CADM2: variants seen among roughly 807,000 people sequenced by gnomAD.
CADM2 encodes immunoglobulin superfamily member 4D.
A neutral mutation model predicts 49.8 loss-of-function variants in CADM2; 12 were observed. The ratio of observed to expected loss-of-function variants is 0.24; its 90% CI spans 0.15 to 0.39. CADM2 has a LOEUF of 0.39. Among genes scored for constraint, CADM2 ranks in the 10% least tolerant of loss-of-function variants. The pLI is 1.00. For synonymous variants in CADM2, 214 were observed against 175.4 expected (o/e 1.22, Z -1.74); for missense variants, 378 against 492.3 (o/e 0.77, Z 2.20).
intron 1 of CADM2, among the ~76,000 whole-genome samples, chr3:85,188,444 C>T (rs955829591): frequency 6.6e-5 from 10 of 152,040 alleles, no homozygotes; most frequent in African/African-American, 2.2e-4. Flanking sequence ...ATTACAATGT[C>T]TATAATTATT....
At position 85,246,575 on chromosome 3, in the gene CADM2, A is replaced by G. The variant is rs114177742; in HGVS notation, c.61+286907A>G. 1.8e-3 allele frequency among the ~76,000 whole-genome samples: 274 copies of G among 152,316 alleles called. 1 individual carries two copies. Among genetic ancestry groups the G allele is most frequent in the African/African-American group, 6.3e-3 (263 of 41,566 alleles). ...TTTAGCATTTCTTATTTGATATGAA[A>G]AAAGATTCCAGGATAATTGTAAAAT... On this transcript the variant is annotated intron_variant, in intron 1 of 9. Transcript: ENST00000383699.
chr3:85,864,201 A>G (rs1231838797), intron 3 of CADM2, among the ~76,000 whole-genome samples: 1 of 152,200 alleles, frequency 6.6e-6, no homozygotes, highest in East Asian at 1.9e-4. Context: ...TCTTTAAGAT[A>G]GTTATAAGCT....
At chr3:84,986,803 T>G (rs1231249195) in intron 1 of CADM2, among the ~76,000 whole-genome samples, 1 of 151,532 alleles carries the variant, frequency 6.6e-6, no homozygotes, top group East Asian at 2.0e-4. Flanking sequence ...GAAGTTAGTT[T>G]GACTTTGGGA....
chr3:86,039,330 C>T (rs1735553758), intron 8 of CADM2, among the ~76,000 whole-genome samples: 1 of 147,368 alleles, frequency 6.8e-6, no homozygotes, highest in African/African-American at 2.4e-5. Flanking sequence ...ATTCCCTTTC[C>T]TAGTCAAAGA....
At chr3:85,884,770 G>A (rs1316249734) in intron 4 of CADM2, among the ~76,000 whole-genome samples, 2 of 148,932 alleles carry the variant, frequency 1.3e-5, no homozygotes, top group African/African-American at 5.0e-5. Flanking sequence ...CTGTAGCCTG[G>A]CTGGAGTGCA....
At chr3:85,996,830 A>G (rs911563562) in intron 8 of CADM2, among the ~76,000 whole-genome samples, 1 of 152,166 alleles carries the variant, frequency 6.6e-6, no homozygotes, top group Non-Finnish European at 1.5e-5. Flanking sequence ...GCTTTTCCTA[A>G]ACATCTAGTT....
chr3:85,594,977 C>T (rs1006480884), intron 1 of CADM2, among the ~76,000 whole-genome samples: 1 of 151,988 alleles, frequency 6.6e-6, no homozygotes, highest in African/African-American at 2.4e-5. Flanking sequence ...GACAGCAGCC[C>T]AGCTTTCATT....
At chr3:85,954,543 A>C (rs1723811329) in intron 7 of CADM2, among the ~76,000 whole-genome samples, 1 of 151,148 alleles carries the variant, frequency 6.6e-6, no homozygotes, top group Non-Finnish European at 1.5e-5. Flanking sequence ...GCTACCAAGC[A>C]ACCCCAGCTT....
Position 85,508,782 on chromosome 3 carries a change from A to G in CADM2, c.62-217740A>G, listed in dbSNP as rs138617530. 3.6e-3 allele frequency among the ~76,000 whole-genome samples: 544 copies of G among 152,110 alleles called. 3 individuals carry two copies. The highest frequency in any genetic ancestry group is 0.011 in the African/African-American group (454 of 41,500). On this transcript the variant is annotated intron_variant, in intron 1 of 9. Coordinates refer to ENST00000383699, the MANE Select transcript of CADM2 (RefSeq NM_001167675.2). Reference sequence around the variant, plus strand: ...TGCAAAGTGGGAAAAGAACAGAGTGAATTTTCTGAGTGAAAACGAAGAGCC... The same window carrying G: ...TGCAAAGTGGGAAAAGAACAGAGTGGATTTTCTGAGTGAAAACGAAGAGCC...
intron 3 of CADM2, among the ~76,000 whole-genome samples, chr3:85,866,196 A>T (rs1425000170): frequency 1.3e-5 from 2 of 152,174 alleles, no homozygotes; most frequent in African/African-American, 4.8e-5. Flanking sequence ...TTGCTTGCCT[A>T]CCAGTAATTA....
intron 1 of CADM2, among the ~76,000 whole-genome samples, chr3:85,394,632 C>G (rs541680611): frequency 6.6e-6 from 1 of 152,176 alleles, no homozygotes; most frequent in African/African-American, 2.4e-5. Context: ...ACTTATTGTA[C>G]TCATATAACC....
At chr3:85,050,597 G>C (rs1201792509) in intron 1 of CADM2, among the ~76,000 whole-genome samples, 1 of 151,744 alleles carries the variant, frequency 6.6e-6, no homozygotes, top group Non-Finnish European at 1.5e-5. Flanking sequence ...AGAAGTGAGA[G>C]ATCTAGAAAT....
chr3:85,662,755 C>T (rs1355693956), intron 1 of CADM2, among the ~76,000 whole-genome samples: 4 of 152,036 alleles, frequency 2.6e-5, no homozygotes, highest in African/African-American at 9.7e-5. Context: ...TTTAACACTT[C>T]CTCCTCTATA....
chr3:85,558,097 G>C (rs188245948), intron 1 of CADM2, among the ~76,000 whole-genome samples: 1 of 152,062 alleles, frequency 6.6e-6, no homozygotes, highest in African/African-American at 2.4e-5. Context: ...CTTCCTTGAT[G>C]TGTGTGAGTC....
intron 1 of CADM2, among the ~76,000 whole-genome samples, chr3:85,568,140 T>C (rs143089073): frequency 7.7e-4 from 117 of 152,206 alleles, no homozygotes; most frequent in Admixed American, 1.7e-3. Flanking sequence ...TTCCATCAAA[T>C]TGACAGCTCA....
intron 1 of CADM2, among the ~76,000 whole-genome samples, chr3:85,644,929 C>T (rs1178272716): frequency 1.3e-5 from 2 of 152,050 alleles, no homozygotes; most frequent in Non-Finnish European, 2.9e-5. Context: ...CAGAAAGACT[C>T]TTTTCTGGCT....
chr3:85,779,932 G>T (rs773253801), intron 2 of CADM2, among the ~76,000 whole-genome samples: 3 of 152,116 alleles, frequency 2.0e-5, no homozygotes, highest in Non-Finnish European at 2.9e-5. Context: ...GGCTCACAAT[G>T]ATTGAACTGG....
chr3:85,727,475 T>C (rs2067749946), intron 2 of CADM2, among the ~76,000 whole-genome samples: 1 of 152,180 alleles, frequency 6.6e-6, no homozygotes, highest in Non-Finnish European at 1.5e-5. Context: ...TTCTTATAGC[T>C]CACCTAGCCT....
chr3:85,453,283 C>A (rs2037835411), intron 1 of CADM2, among the ~76,000 whole-genome samples: 1 of 151,672 alleles, frequency 6.6e-6, no homozygotes, highest in African/African-American at 2.4e-5. Context: ...GTGGATGTTT[C>A]TTTGAAAAAA....
Sources: gnomAD v4.1 joint callset for allele counts (sites outside exome capture counted in the v4.1 genomes callset) on GRCh38, gnomAD v4.1.1 for gene constraint, MANE v1.5 for transcripts, NCBI Gene and HGNC (gene_info 2026-07-23, HGNC 2026-07-21) for gene names.